Variants in ATP9A observed in about 807,000 individuals in gnomAD.
ATP9A encodes the protein probable phospholipid-transporting ATPase IIA.
A neutral mutation model predicts 144.1 loss-of-function variants in ATP9A; 52 were observed. The observed-to-expected ratio is 0.36, with a 90% CI of 0.29 to 0.45. The LOEUF is 0.45. Among genes scored for constraint, ATP9A ranks in the 20% least tolerant of loss-of-function variants. ATP9A has a pLI of 1.00. For missense variants in ATP9A, 947 were observed against 1,392.7 expected (o/e 0.68, Z 5.09); for synonymous variants, 582 against 557.4 (o/e 1.04, Z -0.62).
At chr20:51,758,754 G>T (rs140751684) in intron 1 of ATP9A, among the ~76,000 whole-genome samples, 1 of 152,030 alleles carries the variant, frequency 6.6e-6, no homozygotes, top group Non-Finnish European at 1.5e-5. Flanking sequence ...GTGAAACCCC[G>T]TCTCTACTAA....
intron 4 of ATP9A, among the ~76,000 whole-genome samples, chr20:51,703,699 G>A (rs558395876): frequency 2.0e-5 from 3 of 152,220 alleles, no homozygotes; most frequent in East Asian, 3.9e-4. Context: ...CCCTTGAGTC[G>A]AAACAAGCAA....
chr20:51,619,015 T>C lies in ATP9A; in HGVS notation c.2144A>G (p.Glu715Gly). ...ATGCTTCCTGCGGAAGGCGTTCAGC[T>C]CGAGGTGAGCCTCCCCGCGGTTGGT... ...LVTNRGEAHL[E>G]LNAFRRKHDC... Residue 715 changes from glutamate (E) to glycine (G), a missense_variant, in exon 20 of 28, where the codon GAG becomes GGG. Around this residue, in one of 2 missense-constraint regions of ATP9A, gnomAD observed 770 missense variants for 1,047.9 expected, o/e 0.73. Coordinates refer to ENST00000338821, the MANE Select transcript of ATP9A (RefSeq NM_006045.3). 1 of 1,614,028 alleles carries C rather than the reference T, an allele frequency of 6.2e-7. No homozygotes were observed. The highest frequency in any genetic ancestry group is 8.5e-7 in the Non-Finnish European group (1 of 1,179,992).
At chr20:51,645,500 C>T (rs1402300341) in intron 14 of ATP9A, among the ~76,000 whole-genome samples, 7 of 151,592 alleles carry the variant, frequency 4.6e-5, no homozygotes, top group Non-Finnish European at 8.8e-5. Flanking sequence ...AGTGAGACTC[C>T]GTCTCAAAAC....
At position 51,611,256 on chromosome 20, in the gene ATP9A, C is replaced by T. The variant is rs1355335757; in HGVS notation, c.2572-1091G>A. Among the ~76,000 whole-genome samples the T allele has an allele frequency of 2.6e-5, 4 of 152,158 alleles. No homozygotes were observed. Among genetic ancestry groups the T allele is most frequent in the Non-Finnish European group, 5.9e-5 (4 of 68,020 alleles). The stretch of plus-strand genomic sequence containing the variant: ...TGCTTTCTCGGCACAGAGCTCAGAG[C>T]GCAGGTGATCCTGAGCGCCATGGCC... On this transcript the variant is annotated intron_variant, in intron 23 of 27. Coordinates refer to ENST00000338821, the MANE Select transcript of ATP9A (RefSeq NM_006045.3). This position sits in a 1 kb window ranked among gnomAD's most constrained non-coding sequence, Gnocchi z 4.2.
At chr20:51,661,022 T>C (rs190693956) in intron 13 of ATP9A, among the ~76,000 whole-genome samples, 10 of 152,318 alleles carry the variant, frequency 6.6e-5, no homozygotes, top group South Asian at 4.1e-4. Context: ...CAGGTCACTA[T>C]TGGGAGAGGA....
chr20:51,704,256 T>C (rs1237644165), intron 4 of ATP9A, among the ~76,000 whole-genome samples: 1 of 150,096 alleles, frequency 6.7e-6, no homozygotes, highest in East Asian at 1.9e-4. Flanking sequence ...AAAATAAATA[T>C]ATAAATGGTC....
At chr20:51,738,573 G>A (rs146130184) in intron 1 of ATP9A, among the ~76,000 whole-genome samples, 35 of 152,054 alleles carry the variant, frequency 2.3e-4, no homozygotes, top group African/African-American at 6.3e-4. Flanking sequence ...GCATGGTGGC[G>A]CATGACACAC....
At chr20:51,692,531 G>C (rs966231088) in intron 7 of ATP9A, among the ~76,000 whole-genome samples, 2 of 152,198 alleles carry the variant, frequency 1.3e-5, no homozygotes, top group African/African-American at 4.8e-5. Flanking sequence ...CTGGGAGGTG[G>C]TGGCTCGTGC....
chr20:51,641,502 G>A (rs746614484), intron 14 of ATP9A, among the ~76,000 whole-genome samples: 5 of 151,752 alleles, frequency 3.3e-5, no homozygotes, highest in South Asian at 2.1e-4. Context: ...TGGACACAGA[G>A]TAAGACCCTG....
At position 51,690,958 on chromosome 20, in the gene ATP9A, G is replaced by A; in HGVS notation, c.643-139C>T. 7 of 706,374 alleles carry A rather than the reference G, an allele frequency of 9.9e-6. No homozygotes were observed. The South Asian group carries it at 1.2e-4, about 12-fold the overall frequency. 43.8% of individuals were successfully genotyped at this position (706,374 alleles called of 1,614,324 possible). A position where few individuals can be genotyped will look rare whatever the true frequency, so the allele number is the denominator to read the frequency against. ...CTCAAAATTACAGGGGAGGTGGAAA[G>A]AAGAGGAAAGTCCTCTGTTAAGTAA... On this transcript the variant is annotated intron_variant, in intron 7 of 27. Transcript: ENST00000338821.
At position 51,596,915 on chromosome 20, in the gene ATP9A, A is replaced by T. The variant is rs1370114254; in HGVS notation, c.*4296T>A. 1 of 152,222 alleles carries T rather than the reference A, an allele frequency of 6.6e-6. No individual in the cohort carries two copies. Among genetic ancestry groups the T allele is most frequent in the African/African-American group, 2.4e-5 (1 of 41,458 alleles). 9.4% of individuals were successfully genotyped at this position (152,222 alleles called of 1,614,324 possible). A position where few individuals can be genotyped will look rare whatever the true frequency, so the allele number is the denominator to read the frequency against. The stretch of plus-strand genomic sequence containing the variant: ...TTTAAATCATCTGGAAGTTCCTGCT[A>T]AATTAAAGCATACTGTGCCAGAGCT... On this transcript the variant is annotated 3_prime_UTR_variant, in exon 28 of 28. Coordinates refer to ENST00000338821, the MANE Select transcript of ATP9A (RefSeq NM_006045.3).
intron 7 of ATP9A, 23 bp from the exon 8 acceptor site, chr20:51,690,842 G>C: frequency 6.2e-7 from 1 of 1,604,596 alleles, no homozygotes; most frequent in Non-Finnish European, 8.5e-7. Context: ...AGGCACATTC[G>C]GGAGTCAAAG....
chr20:51,727,917 G>A (rs189505969), intron 2 of ATP9A, among the ~76,000 whole-genome samples: 358 of 120,866 alleles, frequency 3.0e-3, no homozygotes, highest in Non-Finnish European at 4.8e-3. Flanking sequence ...GGCAACAGAG[G>A]GAGACTCAGT....
chr20:51,611,344 C>G lies in ATP9A; in HGVS notation c.2572-1179G>C, dbSNP rs1309957714. On this transcript the variant is annotated intron_variant, in intron 23 of 27. Transcript: ENST00000338821. The surrounding 1 kb of genome is among the most constrained non-coding windows in gnomAD (Gnocchi z 4.2). ...GCCACTTTTCCAGTGACTTTTCACC[C>G]AGGCTGTGCCGCTGCTTAGGAAGGA... 6.6e-6 allele frequency among the ~76,000 whole-genome samples: 1 copy of G among 152,190 alleles called. No individual in the cohort carries two copies. The highest frequency in any genetic ancestry group is 2.4e-5 in the African/African-American group (1 of 41,448).
At chr20:51,642,865 C>T (rs529481381) in intron 14 of ATP9A, among the ~76,000 whole-genome samples, 19 of 150,394 alleles carry the variant, frequency 1.3e-4, no homozygotes, top group African/African-American at 4.7e-4. Flanking sequence ...CTTTCTTTCT[C>T]TGGAACCCCT....
At chr20:51,617,772 C>T (rs967809990) in intron 21 of ATP9A, among the ~76,000 whole-genome samples, 1 of 152,162 alleles carries the variant, frequency 6.6e-6, no homozygotes, top group Non-Finnish European at 1.5e-5. Flanking sequence ...CCAAGGGTCC[C>T]GGCACTGAGC....
intron 14 of ATP9A, among the ~76,000 whole-genome samples, chr20:51,642,733 A>AC (rs1281424200): frequency 2.1e-4 from 7 of 32,740 alleles, no homozygotes; most frequent in Non-Finnish European, 7.3e-5. Context: ...CTCCAAAAAA[A>AC]AAAAAAAAAA....
chr20:51,600,993 C>T lies in ATP9A; in HGVS notation c.*218G>A, dbSNP rs553158819. The stretch of plus-strand genomic sequence containing the variant: ...TTCATATTCACCTAAACATGAAGAA[C>T]GAGGGGTTCAGACAGGCCCAGATGG... On this transcript the variant is annotated 3_prime_UTR_variant, in exon 28 of 28. Coordinates refer to ENST00000338821, the MANE Select transcript of ATP9A (RefSeq NM_006045.3). 6.3e-5 allele frequency: 26 copies of T among 412,186 alleles called. No homozygotes were observed. The highest frequency in any genetic ancestry group is 2.8e-4 in the African/African-American group (14 of 49,384). The allele number at this position is 412,186 out of a possible 1,614,324, so 25.5% of individuals were successfully genotyped here.
chr20:51,601,027 C>A lies in ATP9A; in HGVS notation c.*184G>T. 1 of 637,554 alleles carries A rather than the reference C, an allele frequency of 1.6e-6. No individual in the cohort carries two copies. The highest frequency in any genetic ancestry group is 2.4e-6 in the Non-Finnish European group (1 of 413,190). 39.5% of individuals were successfully genotyped at this position (637,554 alleles called of 1,614,324 possible). ...CAGACAGGCCCAGATGGGTCTCTTTCAGGACCCTCCCTCCCGTTGATGCAG... is the reference window on the plus strand; with the variant it reads ...CAGACAGGCCCAGATGGGTCTCTTTAAGGACCCTCCCTCCCGTTGATGCAG... On this transcript the variant is annotated 3_prime_UTR_variant, in exon 28 of 28. Coordinates refer to ENST00000338821, the MANE Select transcript of ATP9A (RefSeq NM_006045.3).
Sources: gnomAD v4.1 joint callset for allele counts (sites outside exome capture counted in the v4.1 genomes callset) on GRCh38, gnomAD v4.1.1 for gene constraint, gnomAD v4.1.1 regional missense constraint, Gnocchi (gnomAD v3.1) non-coding constraint, MANE v1.5 for transcripts, NCBI Gene and HGNC (gene_info 2026-07-23, HGNC 2026-07-21) for gene names.